Variants in DOCK3 observed in about 807,000 individuals in gnomAD.
DOCK3 encodes dedicator of cytokinesis protein 3.
Under a neutral mutation model 265.6 loss-of-function variants are expected in DOCK3, and 60 were observed. The ratio of observed to expected loss-of-function variants is 0.23; its 90% CI spans 0.18 to 0.28. DOCK3 has a LOEUF of 0.28. DOCK3 is among the 10% of genes least tolerant of loss of function. The pLI is 1.00. For synonymous variants in DOCK3, 881 were observed against 938.0 expected, an observed-to-expected ratio of 0.94 and a Z score of 1.11; for missense variants, 1,981 against 2,594.3, an observed-to-expected ratio of 0.76 and a Z score of 5.14.
At chr3:51,224,411 T>A (rs1216168803) in intron 14 of DOCK3, among the ~76,000 whole-genome samples, 1 of 152,226 alleles carries the variant, frequency 6.6e-6, no homozygotes, top group Non-Finnish European at 1.5e-5. Flanking sequence ...GAAGCTCAGA[T>A]GCTTCCATTA....
chr3:51,318,204 C>G (rs1018968178), intron 32 of DOCK3, among the ~76,000 whole-genome samples: 1 of 151,972 alleles, frequency 6.6e-6, no homozygotes, highest in Non-Finnish European at 1.5e-5. Flanking sequence ...CACAGTGAAA[C>G]CCCATCTCTA....
intron 13 of DOCK3, among the ~76,000 whole-genome samples, chr3:51,212,169 G>T (rs952439371): frequency 2.0e-5 from 3 of 152,090 alleles, no homozygotes; most frequent in Non-Finnish European, 4.4e-5. Flanking sequence ...TTCATTCTTT[G>T]CATGCCTTTT....
intron 7 of DOCK3, among the ~76,000 whole-genome samples, chr3:51,085,732 TAAAC>T (rs1452335798): frequency 5.9e-5 from 9 of 151,810 alleles, no homozygotes; most frequent in East Asian, 1.9e-4. Flanking sequence ...AGATTTCAAA[TAAAC>T]AACCTAATGG....
At chr3:50,878,308 C>T (rs950585624) in intron 3 of DOCK3, among the ~76,000 whole-genome samples, 6 of 152,182 alleles carry the variant, frequency 3.9e-5, no homozygotes, top group African/African-American at 1.2e-4. Flanking sequence ...AGGCTTCGGA[C>T]GATTGGTAAT....
At chr3:50,901,018 C>T (rs933132229) in intron 4 of DOCK3, 4 of 366,830 alleles carry the variant, frequency 1.1e-5, no homozygotes, top group Non-Finnish European at 2.1e-5. Flanking sequence ...GGGAGATTCG[C>T]TCCTCTCTTC....
At chr3:50,921,195 G>A (rs950635456) in intron 4 of DOCK3, among the ~76,000 whole-genome samples, 18 of 152,246 alleles carry the variant, frequency 1.2e-4, no homozygotes, top group African/African-American at 4.3e-4. Flanking sequence ...TGGAATAAGT[G>A]TGATAAGTGA....
intron 1 of DOCK3, among the ~76,000 whole-genome samples, chr3:50,733,254 G>A (rs550509393): frequency 2.0e-5 from 3 of 152,254 alleles, no homozygotes; most frequent in Admixed American, 2.0e-4. Flanking sequence ...GGTTTATTAT[G>A]TTGTTCAAGT....
At chr3:51,120,729 C>T (rs914400159) in intron 9 of DOCK3, among the ~76,000 whole-genome samples, 18 of 152,240 alleles carry the variant, frequency 1.2e-4, no homozygotes, top group Admixed American at 1.2e-3. Flanking sequence ...TTTGGCTCTG[C>T]CAAGTCCAAA....
At chr3:51,275,481 T>G (rs2080767957) in intron 25 of DOCK3, among the ~76,000 whole-genome samples, 4 of 152,228 alleles carry the variant, frequency 2.6e-5, no homozygotes, top group African/African-American at 7.2e-5. Flanking sequence ...TGTGTCATGC[T>G]GTTTCCATCA....
At chr3:50,960,610 A>T (rs2076861351) in intron 5 of DOCK3, among the ~76,000 whole-genome samples, 1 of 152,116 alleles carries the variant, frequency 6.6e-6, no homozygotes, top group South Asian at 2.1e-4. Context: ...CAGAAGTATG[A>T]TTTGAAAATA....
At chr3:51,191,635 G>A (rs1015850084) in intron 12 of DOCK3, among the ~76,000 whole-genome samples, 4 of 152,036 alleles carry the variant, frequency 2.6e-5, no homozygotes, top group Non-Finnish European at 5.9e-5. Context: ...TTTGCAGCTT[G>A]CCACTTCTTT....
intron 47 of DOCK3, 103 bp downstream of exon 47, chr3:51,360,735 C>A: frequency 2.7e-6 from 4 of 1,476,956 alleles, no homozygotes; most frequent in Non-Finnish European, 1.8e-6. Context: ...CCCTCTTACC[C>A]ATGCACACAG....
intron 42 of DOCK3, 42 bp downstream of exon 42, chr3:51,356,297 CA>C: frequency 6.2e-7 from 1 of 1,612,518 alleles, no homozygotes; most frequent in South Asian, 1.1e-5. Context: ...ACAGCAAGTC[CA>C]GGGGCAAGCT....
chr3:51,034,630 T>C (rs994826723), intron 5 of DOCK3, among the ~76,000 whole-genome samples: 3 of 152,138 alleles, frequency 2.0e-5, no homozygotes, highest in African/African-American at 7.2e-5. Context: ...CAATTATATT[T>C]TAAAGAAATC....
chr3:51,177,804 A>G (rs2087039304), intron 12 of DOCK3, among the ~76,000 whole-genome samples: 1 of 152,198 alleles, frequency 6.6e-6, no homozygotes, highest in Non-Finnish European at 1.5e-5. Context: ...CAGCCTGGCC[A>G]ACATGGTGAA....
At chr3:51,085,806 G>A (rs1478341891) in intron 7 of DOCK3, among the ~76,000 whole-genome samples, 1 of 151,898 alleles carries the variant, frequency 6.6e-6, no homozygotes, top group Non-Finnish European at 1.5e-5. Context: ...GTAGAAATAA[G>A]TAATAAAGAT....
At chr3:50,880,190 A>G (rs536965253) in intron 3 of DOCK3, among the ~76,000 whole-genome samples, 1 of 152,374 alleles carries the variant, frequency 6.6e-6, no homozygotes, top group Admixed American at 6.5e-5. Context: ...GAAAGTTCTA[A>G]AAGTGGCACC....
intron 5 of DOCK3, among the ~76,000 whole-genome samples, chr3:50,973,586 C>T (rs2077327340): frequency 6.8e-6 from 1 of 147,938 alleles, no homozygotes; most frequent in Admixed American, 6.9e-5. Context: ...GTGAATAGTG[C>T]CGCAATAAAC....
At chr3:50,979,762 T>C (rs2077622230) in intron 5 of DOCK3, among the ~76,000 whole-genome samples, 1 of 152,250 alleles carries the variant, frequency 6.6e-6, no homozygotes, top group South Asian at 2.1e-4. Flanking sequence ...CTAGTTTCTT[T>C]TTGATATATA....
Sources: allele counts gnomAD v4.1 joint callset (sites outside exome capture counted in the v4.1 genomes callset), GRCh38; gene constraint gnomAD v4.1.1; transcripts MANE v1.5; gene names NCBI Gene and HGNC (gene_info 2026-07-23, HGNC 2026-07-21).